The following RNF126 variants were observed in gnomAD, a reference collection of about 807,000 sequenced individuals.
RNF126 encodes E3 ubiquitin-protein ligase RNF126.
A neutral mutation model predicts 41.9 loss-of-function variants in RNF126; 20 were observed. That is an observed-to-expected ratio of 0.48 (90% CI 0.34 to 0.69). The LOEUF is 0.69. RNF126 is among the 30% of genes least tolerant of loss of function. The pLI is 0.01. For missense variants in RNF126, 433 were observed against 460.6 expected (o/e 0.94, Z 0.55); for synonymous variants, 239 against 202.9 (o/e 1.18, Z -1.51).
chr19:649,620 C>T (rs1457832117), intron 6 of RNF126, 59 bp downstream of exon 6: 34 of 1,400,502 alleles, frequency 2.4e-5, no homozygotes, highest in Non-Finnish European at 3.1e-5. Flanking sequence ...GGGCAGCTCC[C>T]AGGGGTGGGC....
Position 648,364 on chromosome 19 carries a change from G to GGGC in RNF126, c.786+7_786+8insGCC. 2.0e-6 allele frequency: 1 copy of GGGC among 510,468 alleles called. No individual in the cohort carries two copies. The highest frequency in any genetic ancestry group is 3.6e-6 in the Non-Finnish European group (1 of 278,334). The allele number at this position is 510,468 out of a possible 1,614,324, so 31.6% of individuals were successfully genotyped here. On this transcript the variant is annotated splice_region_variant and intron_variant, in intron 8 of 8. Coordinates refer to ENST00000292363, the MANE Select transcript of RNF126 (RefSeq NM_194460.3). ...CGGGGTGGGGGGGCGGGTGGGCGGG[G>GGGC]CACTCACCTGCTCCAGCCAGGGCAC...
chr19:648,220 G>C lies in RNF126; in HGVS notation c.844C>G (p.Pro282Ala), dbSNP rs774983937. The change falls in exon 9 of 9, where the codon CCC becomes GCC. Residue 282 changes from proline (P) to alanine (A), a missense_variant. Pro to Ala is a conservative substitution (Grantham distance 27, BLOSUM62 -1). Coordinates refer to ENST00000292363, the MANE Select transcript of RNF126 (RefSeq NM_194460.3). ...SLTGQNTATN[P>A]PGLTGVSFSS... ...AAGCTCACCCCAGTGAGGCCAGGGGGGTTCGTGGCCGTGTTCTGTCCCGTG... is the reference window on the plus strand; with the variant it reads ...AAGCTCACCCCAGTGAGGCCAGGGGCGTTCGTGGCCGTGTTCTGTCCCGTG... 4 of 1,602,158 alleles carry C rather than the reference G, an allele frequency of 2.5e-6. No individual in the cohort carries two copies. Among genetic ancestry groups the C allele is most frequent in the African/African-American group, 1.3e-5 (1 of 74,690 alleles).
Position 650,101 on chromosome 19 carries a change from G to A in RNF126, c.506+133C>T, listed in dbSNP as rs879077209. The A allele has an allele frequency of 1.1e-4, 80 of 700,092 alleles. 3 individuals carry two copies. The South Asian group carries it at 1.4e-3, about 12-fold the overall frequency. 43.4% of individuals were successfully genotyped at this position (700,092 alleles called of 1,614,324 possible). A position where few individuals can be genotyped will look rare whatever the true frequency, so the allele number is the denominator to read the frequency against. Reference sequence around the variant, plus strand: ...AGGCACCCCCTCCTACTCACCAGGGGCCCAGGCTGGGGATGGGGACAGGCA... The same window carrying A: ...AGGCACCCCCTCCTACTCACCAGGGACCCAGGCTGGGGATGGGGACAGGCA... On this transcript the variant is annotated intron_variant, in intron 5 of 8. Transcript: ENST00000292363.
intron 2 of RNF126, 173 bp downstream of exon 2, chr19:652,651 TCA>T: frequency 1.5e-6 from 1 of 645,966 alleles, no homozygotes; most frequent in East Asian, 2.7e-5. Context: ...GGCCCGGCCA[TCA>T]CAGAAGAGAA....
In RNF126 at chr19:655,006, G is replaced by A. The variant is rs1056332762; in HGVS notation, c.76-2122C>T. ...GTGCTTACAACTCAAAAGAAAGAAA[G>A]AAAGAAAGAAAAAAAAGCCCAGGCC... On this transcript the variant is annotated intron_variant, in intron 1 of 8. Coordinates refer to ENST00000292363, the MANE Select transcript of RNF126 (RefSeq NM_194460.3). Among the ~76,000 whole-genome samples, 4 of 149,976 alleles carry A rather than the reference G, an allele frequency of 2.7e-5. No individual in the cohort carries two copies. The Admixed American group carries it at 2.7e-4, about 10-fold the overall frequency.
chr19:648,804 A>C, intron 7 of RNF126, 78 bp downstream of exon 7: 1 of 863,500 alleles, frequency 1.2e-6, no homozygotes. Context: ...CCCTGTCTCT[A>C]CTGAAAATAC....
At chr19:655,461 G>A (rs376002128) in intron 1 of RNF126, among the ~76,000 whole-genome samples, 8 of 151,928 alleles carry the variant, frequency 5.3e-5, no homozygotes, top group East Asian at 1.9e-4. Flanking sequence ...ACTCTAGCCC[G>A]GGCGACAGAG....
At position 652,816 on chromosome 19, in the gene RNF126, G is replaced by T. The variant is rs144919681; in HGVS notation, c.134+10C>A. On this transcript the variant is annotated intron_variant, in intron 2 of 8. Transcript: ENST00000292363. ...GCTCTTCCAGCCTCTTCAACAGGGG[G>T]CTGCATTACCTGGTCTCTTCCGGAA... 3.7e-6 allele frequency: 6 copies of T among 1,612,166 alleles called. No individual in the cohort carries two copies. The highest frequency in any genetic ancestry group is 1.3e-5 in the African/African-American group (1 of 74,906).
intron 6 of RNF126, 107 bp downstream of exon 6, chr19:649,572 C>T: frequency 1.1e-6 from 1 of 874,894 alleles, no homozygotes; most frequent in South Asian, 1.5e-5. Flanking sequence ...GCCCGCATCC[C>T]CTTTGACCTT....
chr19:651,698 C>T lies in RNF126; in HGVS notation c.356G>A (p.Arg119Gln), dbSNP rs751517619. 6.4e-5 allele frequency: 102 copies of T among 1,601,320 alleles called. No individual in the cohort carries two copies. The highest frequency in any genetic ancestry group is 1.3e-4 in the African/African-American group (10 of 74,592). The change falls in exon 4 of 9, where the codon CGG becomes CAG. Residue 119 changes from arginine (R) to glutamine (Q), a missense_variant. By Grantham distance (43) the Arg-to-Gln change is conservative. Transcript: ENST00000292363. Reference sequence around the variant, plus strand: ...GGGCTGTCGGGCGCCGTACCGGTGCCGGGACGGATGGTCTCTCTCCCGCCG... The same window carrying T: ...GGGCTGTCGGGCGCCGTACCGGTGCTGGGACGGATGGTCTCTCTCCCGCCG... Reference protein sequence around the residue: ...ESRRERDHPSRHRYGARQPRA... With the variant: ...ESRRERDHPSQHRYGARQPRA...
chr19:648,622 C>A (rs564782804), intron 7 of RNF126, 135 bp from the exon 8 acceptor site: 2 of 739,210 alleles, frequency 2.7e-6, no homozygotes, highest in Admixed American at 2.3e-5. Flanking sequence ...GTGTGTCCCC[C>A]GGGCTGCCAG....
chr19:656,824 G>A (rs943641431), intron 1 of RNF126, among the ~76,000 whole-genome samples: 4 of 152,162 alleles, frequency 2.6e-5, no homozygotes, highest in African/African-American at 4.8e-5. Context: ...ACGTAAACAC[G>A]CTGAGACTTC....
Position 648,991 on chromosome 19 carries a change from C to A in RNF126, c.577-16G>T. On this transcript the variant is annotated splice_polypyrimidine_tract_variant and intron_variant, in intron 6 of 8. Transcript: ENST00000292363. ...GATTGAGGAGCTGAAAGACAAGAGG[C>A]GAGAGTGCCGGGAGCTCCTCGGGGG... The A allele has an allele frequency of 7.4e-7, 1 of 1,347,242 alleles. No individual in the cohort carries two copies. The highest frequency in any genetic ancestry group is 9.6e-7 in the Non-Finnish European group (1 of 1,036,302). 83.5% of individuals were successfully genotyped at this position (1,347,242 alleles called of 1,614,324 possible). A position where few individuals can be genotyped will look rare whatever the true frequency, so the allele number is the denominator to read the frequency against.
intron 1 of RNF126, among the ~76,000 whole-genome samples, chr19:655,484 T>G (rs1699325350): frequency 6.7e-6 from 1 of 148,758 alleles, no homozygotes; most frequent in African/African-American, 2.5e-5. Context: ...ACACTCCATC[T>G]CAAAAAAAAA....
At chr19:658,690 G>A (rs1167181558) in intron 1 of RNF126, among the ~76,000 whole-genome samples, 3 of 152,204 alleles carry the variant, frequency 2.0e-5, no homozygotes, top group Non-Finnish European at 4.4e-5. Context: ...AAGACAAGCT[G>A]GATGGACGAG....
chr19:651,177 T>C (rs1372763896), intron 4 of RNF126, among the ~76,000 whole-genome samples: 2 of 148,228 alleles, frequency 1.3e-5, no homozygotes, highest in African/African-American at 2.5e-5. Context: ...CAGGCTCTGT[T>C]CCACCAGGAA....
intron 5 of RNF126, 63 bp downstream of exon 5, chr19:650,171 C>T (rs1484720817): frequency 1.5e-6 from 2 of 1,375,222 alleles, no homozygotes; most frequent in Non-Finnish European, 2.0e-6. Flanking sequence ...TGGGGACAGG[C>T]ACCCCCACCC....
rs1374518996 is a variant in RNF126 at position 648,046 on chromosome 19, G to C, written c.*82C>G. On this transcript the variant is annotated 3_prime_UTR_variant, in exon 9 of 9. Transcript: ENST00000292363. Reference sequence around the variant, plus strand: ...ACCAGCCAAGCGTGGCGCCGCCGGGGCACCCAGTCTGTGGGTGCCGTGTGG... The same window carrying C: ...ACCAGCCAAGCGTGGCGCCGCCGGGCCACCCAGTCTGTGGGTGCCGTGTGG... 7.0e-7 allele frequency: 1 copy of C among 1,418,840 alleles called. No homozygotes were observed. Among genetic ancestry groups the C allele is most frequent in the Non-Finnish European group, 9.3e-7 (1 of 1,074,174 alleles). 87.9% of individuals were successfully genotyped at this position (1,418,840 alleles called of 1,614,324 possible).
In RNF126 at chr19:651,750, C is replaced by T. The variant is rs766124679; in HGVS notation, c.304G>A (p.Ala102Thr). 1.2e-6 allele frequency: 2 copies of T among 1,612,582 alleles called. No individual in the cohort carries two copies. The highest frequency in any genetic ancestry group is 2.2e-5 in the East Asian group (1 of 44,842). ...EIPTFPPGAQ[A>T]DDGRDPESRR... ...CTCTCAGGGTCCCTGCCGTCGTCAG[C>T]CTGCGCCCCAGGAGGGAACGTGGGG... The change falls in exon 4 of 9, where the codon GCT (alanine) becomes ACT (threonine). Residue 102 changes from alanine (A) to threonine (T), a missense_variant. Ala to Thr is a moderately conservative substitution (Grantham distance 58, BLOSUM62 0). Coordinates refer to ENST00000292363, the MANE Select transcript of RNF126 (RefSeq NM_194460.3).
Sources: gnomAD v4.1 joint callset for allele counts (sites outside exome capture counted in the v4.1 genomes callset) on GRCh38, gnomAD v4.1.1 for gene constraint, MANE v1.5 for transcripts, NCBI Gene and HGNC (gene_info 2026-07-23, HGNC 2026-07-21) for gene names.